The following TMEFF2 variants were observed in gnomAD, a reference collection of about 807,000 sequenced individuals.
TMEFF2 encodes transmembrane protein with EGF like and two follistatin like domains 2.
Under a neutral mutation model 53.8 loss-of-function variants are expected in TMEFF2, and 28 were observed. The ratio of observed to expected loss-of-function variants is 0.52; its 90% confidence interval spans 0.39 to 0.71. The LOEUF is 0.71. Ranked by LOEUF, TMEFF2 falls within the 30% of genes least tolerant of loss-of-function variation. The probability of loss-of-function intolerance (pLI) is 0.00; values close to 1 mark genes in which losing one functional copy is unlikely to be tolerated. For missense variants in TMEFF2, 353 were observed against 455.2 expected, an observed-to-expected ratio of 0.78 and a Z score of 2.04; for synonymous variants, 162 against 166.3, an observed-to-expected ratio of 0.97 and a Z score of 0.20.
intron 7 of TMEFF2, among the ~76,000 whole-genome samples, chr2:191,984,705 G>A (rs1023709399): frequency 1.8e-4 from 27 of 151,922 alleles, no homozygotes; most frequent in South Asian, 6.2e-4. Flanking sequence ...CAATAAACTC[G>A]TCCATTAGTT....
Position 192,181,227 on chromosome 2 carries a change from C to G in TMEFF2, c.413-1533G>C, listed in dbSNP as rs538359524. Among the ~76,000 whole-genome samples, 4 of 151,814 alleles carry G rather than the reference C, an allele frequency of 2.6e-5. No individual in the cohort carries two copies. The South Asian group carries it at 6.2e-4, about 24-fold the overall frequency. On this transcript the variant is annotated intron_variant, in intron 3 of 9. Transcript: ENST00000272771. The stretch of plus-strand genomic sequence containing the variant: ...CTTGGGTGCTTTTTGTATACTTTCA[C>G]AGACAAAAATTTTAATTGATTGTAT...
At chr2:192,188,866 T>C (rs1691387004) in intron 2 of TMEFF2, among the ~76,000 whole-genome samples, 1 of 151,514 alleles carries the variant, frequency 6.6e-6, no homozygotes, top group Non-Finnish European at 1.5e-5. Context: ...TATCTATCTA[T>C]CTATCTATCT....
intron 5 of TMEFF2, among the ~76,000 whole-genome samples, chr2:192,055,462 T>C (rs1011138961): frequency 5.9e-5 from 9 of 152,090 alleles, no homozygotes; most frequent in Non-Finnish European, 1.2e-4. Context: ...TTAAGGTCCC[T>C]AGGATGTTTT....
rs74448785 is a variant in TMEFF2, at chr2:191,958,884, G to A, written c.746-2506C>T. 8.8e-3 allele frequency among the ~76,000 whole-genome samples: 1,347 copies of A among 152,256 alleles called. 12 individuals carry two copies. The highest frequency in any genetic ancestry group is 0.03 in the African/African-American group (1,233 of 41,564). On this transcript the variant is annotated intron_variant, in intron 7 of 9. Coordinates refer to ENST00000272771, the MANE Select transcript of TMEFF2 (RefSeq NM_016192.4). ...ACAAATTTATAGTCAATCCAACCAA[G>A]TAAATCAGTTGATTGAAAACCTGAA...
chr2:191,980,494 A>G (rs1685829556), intron 7 of TMEFF2, among the ~76,000 whole-genome samples: 2 of 152,212 alleles, frequency 1.3e-5, no homozygotes, highest in Non-Finnish European at 2.9e-5. Flanking sequence ...AACATGAAGC[A>G]AGAAGAAAGG....
intron 4 of TMEFF2, among the ~76,000 whole-genome samples, chr2:192,135,428 A>C (rs1689976580): frequency 6.6e-6 from 1 of 152,130 alleles, no homozygotes. Flanking sequence ...ACAAAACCGT[A>C]TCCAGGCCAT....
chr2:192,042,262 A>G (rs1687503967), intron 5 of TMEFF2, among the ~76,000 whole-genome samples: 1 of 152,200 alleles, frequency 6.6e-6, no homozygotes, highest in Non-Finnish European at 1.5e-5. Flanking sequence ...AGTTTGAAAT[A>G]TTGTGAGAAT....
intron 4 of TMEFF2, among the ~76,000 whole-genome samples, chr2:192,158,709 C>G (rs1690564578): frequency 1.3e-5 from 2 of 152,036 alleles, no homozygotes; most frequent in African/African-American, 4.8e-5. Context: ...GGTATTAATC[C>G]TCTCCTAAAG....
At chr2:192,170,398 A>G (rs1185601532) in intron 4 of TMEFF2, among the ~76,000 whole-genome samples, 3 of 152,094 alleles carry the variant, frequency 2.0e-5, no homozygotes, top group Non-Finnish European at 4.4e-5. Context: ...CAATGTTGCC[A>G]GGACCAAATA....
At chr2:192,017,038 G>C (rs1686759575) in intron 5 of TMEFF2, among the ~76,000 whole-genome samples, 1 of 152,200 alleles carries the variant, frequency 6.6e-6, no homozygotes, top group African/African-American at 2.4e-5. Context: ...CCTAGAGAAG[G>C]AATGTAAGTC....
chr2:192,120,201 C>T (rs191857313), intron 4 of TMEFF2, among the ~76,000 whole-genome samples: 1 of 152,212 alleles, frequency 6.6e-6, no homozygotes, highest in Admixed American at 6.5e-5. Flanking sequence ...TGATTTACTA[C>T]CCAGACCACT....
At chr2:192,133,747 GGCT>G (rs1689922039) in intron 4 of TMEFF2, among the ~76,000 whole-genome samples, 2 of 152,058 alleles carry the variant, frequency 1.3e-5, no homozygotes, top group Admixed American at 1.3e-4. Context: ...ACACCCATCA[GGCT>G]CAGCAGATTA....
At chr2:192,151,343 T>C (rs1690382949) in intron 4 of TMEFF2, among the ~76,000 whole-genome samples, 1 of 151,942 alleles carries the variant, frequency 6.6e-6, no homozygotes, top group African/African-American at 2.4e-5. Context: ...CACATAATTC[T>C]AATATCTAGT....
intron 4 of TMEFF2, among the ~76,000 whole-genome samples, chr2:192,092,592 C>T (rs926834962): frequency 1.3e-5 from 2 of 152,050 alleles, no homozygotes; most frequent in Non-Finnish European, 2.9e-5. Flanking sequence ...ATCCTAATCC[C>T]CAGAATCTAT....
At chr2:192,083,709 C>G (rs755174017) in intron 4 of TMEFF2, among the ~76,000 whole-genome samples, 6 of 150,330 alleles carry the variant, frequency 4.0e-5, no homozygotes, top group Non-Finnish European at 7.4e-5. Flanking sequence ...CAACACCTAC[C>G]CCCTGAATCT....
At chr2:192,178,227 C>A (rs1310545155) in intron 4 of TMEFF2, 1 of 150,626 alleles carries the variant, frequency 6.6e-6, no homozygotes, top group Non-Finnish European at 1.5e-5. Flanking sequence ...ACAAAAGCAA[C>A]ATTTTAAAAA....
chr2:192,188,689 T>C (rs565928146), intron 2 of TMEFF2, among the ~76,000 whole-genome samples: 11 of 152,178 alleles, frequency 7.2e-5, no homozygotes, highest in Admixed American at 2.6e-4. Flanking sequence ...CTGAAAAACA[T>C]AAGGCTTCAT....
At chr2:192,140,321 G>C (rs992071166) in intron 4 of TMEFF2, among the ~76,000 whole-genome samples, 8 of 152,276 alleles carry the variant, frequency 5.3e-5, no homozygotes, top group Admixed American at 3.3e-4. Flanking sequence ...GGTCCTTATG[G>C]TGCCTGGCAG....
chr2:191,971,911 A>G (rs1692652821), intron 7 of TMEFF2, among the ~76,000 whole-genome samples: 1 of 152,198 alleles, frequency 6.6e-6, no homozygotes, highest in Non-Finnish European at 1.5e-5. Context: ...GATAAAAGTC[A>G]TATTGAGGAA....
Sources: allele counts gnomAD v4.1 joint callset (sites outside exome capture counted in the v4.1 genomes callset), GRCh38; gene constraint gnomAD v4.1.1; transcripts MANE v1.5; gene names NCBI Gene and HGNC (gene_info 2026-07-23, HGNC 2026-07-21).